The following NAV2 variants were observed in gnomAD, a reference collection of about 807,000 sequenced individuals.
NAV2 encodes neuron navigator 2.
A neutral mutation model predicts 223.2 loss-of-function variants in NAV2; 54 were observed. The ratio of observed to expected loss-of-function variants is 0.24; its 90% CI spans 0.19 to 0.30. The LOEUF (loss-of-function observed/expected upper bound fraction) is 0.30, where lower values mean the gene tolerates loss of function less well. NAV2 is among the 10% of genes least tolerant of loss of function. The probability of loss-of-function intolerance (pLI) is 1.00; values close to 1 mark genes in which losing one functional copy is unlikely to be tolerated. For synonymous variants in NAV2, 1,279 were observed against 1,239.3 expected (o/e 1.03, Z -0.67); for missense variants, 2,806 against 3,147.5 (o/e 0.89, Z 2.60).
intron 10 of NAV2, among the ~76,000 whole-genome samples, chr11:19,972,075 G>A (rs2049301154): frequency 6.6e-6 from 1 of 152,216 alleles, no homozygotes; most frequent in Non-Finnish European, 1.5e-5. Flanking sequence ...GTGAGGAGGT[G>A]CAGAGCTGGA....
At chr11:20,087,019 G>A (rs1028688926) in intron 26 of NAV2, among the ~76,000 whole-genome samples, 1 of 152,170 alleles carries the variant, frequency 6.6e-6, no homozygotes, top group African/African-American at 2.4e-5. Context: ...GAATGAAGAC[G>A]AAGATGATCA....
In NAV2 at chr11:19,756,306, A is replaced by G. The variant is rs574095212; in HGVS notation, c.267+42344A>G. On this transcript the variant is annotated intron_variant, in intron 1 of 37. Transcript: ENST00000349880. Reference sequence around the variant, plus strand: ...ACCCACCCTAATCCAGGATAAACTCATTTTAACTAATTAAATCTGTAAAGA... The same window carrying G: ...ACCCACCCTAATCCAGGATAAACTCGTTTTAACTAATTAAATCTGTAAAGA... Among the ~76,000 whole-genome samples the G allele has an allele frequency of 9.8e-5, 15 of 152,326 alleles. No homozygotes were observed. The South Asian group carries it at 3.1e-3, about 32-fold the overall frequency.
At chr11:19,861,604 A>G (rs754815969) in intron 3 of NAV2, among the ~76,000 whole-genome samples, 14 of 152,356 alleles carry the variant, frequency 9.2e-5, no homozygotes, top group Admixed American at 2.0e-4. Flanking sequence ...ATTGCTGAGC[A>G]TCATCATTTA....
At chr11:19,788,517 GA>G (rs2057302342) in intron 1 of NAV2, among the ~76,000 whole-genome samples, 1 of 152,168 alleles carries the variant, frequency 6.6e-6, no homozygotes, top group Admixed American at 6.5e-5. Context: ...TTCACTTAGA[GA>G]ACTGCCATAA....
intron 11 of NAV2, among the ~76,000 whole-genome samples, chr11:20,035,138 G>C (rs1258617812): frequency 6.6e-6 from 1 of 152,118 alleles, no homozygotes; most frequent in Non-Finnish European, 1.5e-5. Context: ...AGACCACAGA[G>C]ACCAGCTGGC....
At chr11:19,491,247 C>T (rs557575051) in intron 1 of NAV2, among the ~76,000 whole-genome samples, 7 of 152,148 alleles carry the variant, frequency 4.6e-5, no homozygotes, top group African/African-American at 7.2e-5. Flanking sequence ...AGAGTCAGCT[C>T]GTCCTTTGAA....
intron 6 of NAV2, among the ~76,000 whole-genome samples, chr11:19,910,772 T>C (rs2043240364): frequency 6.6e-6 from 1 of 152,050 alleles, no homozygotes; most frequent in Non-Finnish European, 1.5e-5. Context: ...GCAGAAGAAT[T>C]GCTTGAACCT....
chr11:19,609,937 G>A (rs2046591001), intron 1 of NAV2, among the ~76,000 whole-genome samples: 1 of 152,164 alleles, frequency 6.6e-6, no homozygotes, highest in Non-Finnish European at 1.5e-5. Flanking sequence ...ACTATATGCA[G>A]AAGTCAACTA....
At chr11:19,378,960 C>T (rs1228476039) in intron 1 of NAV2, among the ~76,000 whole-genome samples, 1 of 152,178 alleles carries the variant, frequency 6.6e-6, no homozygotes, top group Non-Finnish European at 1.5e-5. Context: ...GGCCTGAGTT[C>T]AAGCCCTGGC....
chr11:19,849,973 T>A (rs2061021733), intron 3 of NAV2, among the ~76,000 whole-genome samples: 1 of 152,094 alleles, frequency 6.6e-6, no homozygotes, highest in Non-Finnish European at 1.5e-5. Context: ...CCATACTCTT[T>A]AGCACGGAAT....
At chr11:19,366,449 G>A (rs1038964018) in intron 1 of NAV2, among the ~76,000 whole-genome samples, 1 of 151,798 alleles carries the variant, frequency 6.6e-6, no homozygotes, top group Non-Finnish European at 1.5e-5. Context: ...GCTTTCCTTG[G>A]GATGCTAGTT....
intron 12 of NAV2, among the ~76,000 whole-genome samples, chr11:20,039,470 C>G (rs559152084): frequency 6.6e-6 from 1 of 152,276 alleles, no homozygotes; most frequent in East Asian, 1.9e-4. Flanking sequence ...CCCTTCCCAG[C>G]CCCTGCCACC....
rs200353849 is a variant in NAV2 at position 20,056,555 on chromosome 11, C to A, written c.4831+598C>A. 466 of 1,613,382 alleles carry A rather than the reference C, an allele frequency of 2.9e-4. 1 individual carries two copies. Among genetic ancestry groups the A allele is most frequent in the Non-Finnish European group, 2.5e-4 (299 of 1,179,392 alleles). On this transcript the variant is annotated intron_variant, in intron 19 of 37. Transcript: ENST00000349880. ...AATCATGGGAGAAAAGTTCTGTGGACAACTTTGTCAGCCGTCTTCACAGCT... is the reference window on the plus strand; with the variant it reads ...AATCATGGGAGAAAAGTTCTGTGGAAAACTTTGTCAGCCGTCTTCACAGCT...
At chr11:19,830,315 G>A (rs898539482) in intron 1 of NAV2, among the ~76,000 whole-genome samples, 6 of 152,278 alleles carry the variant, frequency 3.9e-5, no homozygotes, top group East Asian at 1.9e-4. Context: ...AGGATGCCAC[G>A]GAAGGGATGA....
At chr11:19,485,701 G>A (rs1297572989) in intron 1 of NAV2, among the ~76,000 whole-genome samples, 8 of 151,038 alleles carry the variant, frequency 5.3e-5, no homozygotes, top group Admixed American at 2.0e-4. Context: ...GGTAGGATGA[G>A]TTTTTATATG....
intron 1 of NAV2, among the ~76,000 whole-genome samples, chr11:19,399,621 G>A (rs1849602343): frequency 6.6e-6 from 1 of 152,192 alleles, no homozygotes; most frequent in Non-Finnish European, 1.5e-5. Context: ...GGTTAAGATG[G>A]CAGACCCTGT....
intron 1 of NAV2, among the ~76,000 whole-genome samples, chr11:19,625,024 A>G (rs917295802): frequency 6.6e-6 from 1 of 152,264 alleles, no homozygotes; most frequent in Non-Finnish European, 1.5e-5. Context: ...TGGGCTAATT[A>G]GCATATTCAT....
chr11:20,040,342 A>C (rs941207705), intron 12 of NAV2, among the ~76,000 whole-genome samples: 1 of 152,218 alleles, frequency 6.6e-6, no homozygotes, highest in African/African-American at 2.4e-5. Flanking sequence ...CAGAGGCAGG[A>C]AAGTTGGTAA....
At chr11:19,872,988 C>T (rs948036568) in intron 4 of NAV2, among the ~76,000 whole-genome samples, 3 of 152,222 alleles carry the variant, frequency 2.0e-5, no homozygotes, top group Admixed American at 6.5e-5. Context: ...CCCCAGAACA[C>T]ACCACCTGTC....
Sources: gnomAD v4.1 joint callset for allele counts (sites outside exome capture counted in the v4.1 genomes callset) on GRCh38, gnomAD v4.1.1 for gene constraint, MANE v1.5 for transcripts, NCBI Gene and HGNC (gene_info 2026-07-23, HGNC 2026-07-21) for gene names.